Variants in NOX1 observed in about 807,000 individuals in gnomAD.
The protein encoded by NOX1 is NADH/NADPH mitogenic oxidase subunit P65-MOX.
NOX1 carries 34 observed loss-of-function variants against 42.5 expected under a neutral mutation model. The ratio of observed to expected loss-of-function variants is 0.80; its 90% CI spans 0.61 to 1.07. NOX1 has a LOEUF of 1.07. NOX1 is among the 50% of genes least tolerant of loss of function. The pLI is 0.00. For synonymous variants in NOX1, 143 were observed against 152.5 expected (o/e 0.94, Z 0.46); for missense variants, 408 against 427.0 (o/e 0.96, Z 0.39).
chrX:100,850,241 T>C lies in NOX1; in HGVS notation c.1043A>G (p.Glu348Gly). ...HPFTLTSAPE[E>G]DFFSIHIRAA... ...TCGGATATGAATGGAGAAGAAATCTTCCTCTGGAGCAGAGGTCAAAGTAAA... is the reference window on the plus strand; with the variant it reads ...TCGGATATGAATGGAGAAGAAATCTCCCTCTGGAGCAGAGGTCAAAGTAAA... The change falls in exon 9 of 13, where the codon GAA (glutamate) becomes GGA (glycine). Residue 348 changes from glutamate (E) to glycine (G), a missense_variant. Coordinates refer to ENST00000372966, the MANE Select transcript of NOX1 (RefSeq NM_007052.5). The C allele has an allele frequency of 8.3e-7, 1 of 1,210,856 alleles. No individual in the cohort carries two copies. The highest frequency in any genetic ancestry group is 1.1e-6 in the Non-Finnish European group (1 of 894,763).
rs749682702 is a variant in NOX1 at position 100,845,205 on chromosome X, GTCC to G, written c.1569-1130_1569-1128del. ...CAAAGAAACCCCATCCACATTAGCA[GTCC>G]TCATTTCCTCCCAACTACCCTGTCC... On this transcript the variant is annotated intron_variant, in intron 12 of 12. Coordinates refer to ENST00000372966, the MANE Select transcript of NOX1 (RefSeq NM_007052.5). Among the ~76,000 whole-genome samples the G allele has an allele frequency of 1.6e-4, 18 of 110,839 alleles. No individual in the cohort carries two copies. The East Asian group carries it at 4.8e-3, about 30-fold the overall frequency.
intron 3 of NOX1, 56 bp from the exon 4 acceptor site, chrX:100,863,299 C>T: frequency 9.8e-7 from 1 of 1,019,392 alleles, no homozygotes; most frequent in Non-Finnish European, 1.4e-6. Context: ...ATTAAATTCA[C>T]TAACCCATAA....
At chrX:100,845,346 G>C (rs2085065287) in intron 12 of NOX1, among the ~76,000 whole-genome samples, 1 of 110,131 alleles carries the variant, frequency 9.1e-6, no homozygotes, top group East Asian at 2.8e-4. Context: ...TTTTCAGCAT[G>C]ATGTTTTCAA....
intron 8 of NOX1, among the ~76,000 whole-genome samples, chrX:100,850,644 T>G (rs1026633098): frequency 8.9e-6 from 1 of 112,378 alleles, no homozygotes; most frequent in Non-Finnish European, 1.9e-5. Flanking sequence ...TCCATCCAGA[T>G]TTTTAAATGT....
In NOX1 at chrX:100,848,681, C is replaced by A; in HGVS notation, c.1517G>T (p.Gly506Val). Residue 506 changes from glycine to valine, a missense_variant, in exon 12 of 13, where the codon GGG becomes GTG. Physicochemically the swap from Gly to Val is moderately radical, Grantham distance 109 (BLOSUM62 -3). Transcript: ENST00000372966. Reference sequence around the variant, plus strand: ...AAACTCATTGTCCCACATTGGTCTCCCAAAGGAGGTTTTCTGTTTCAGACC... The same window carrying A: ...AAACTCATTGTCCCACATTGGTCTCACAAAGGAGGTTTTCTGTTTCAGACC... ...VTGLKQKTSFGRPMWDNEFST... is the reference protein window; with the variant it reads ...VTGLKQKTSFVRPMWDNEFST... 1 of 1,209,946 alleles carries A rather than the reference C, an allele frequency of 8.3e-7. No homozygotes were observed. The highest frequency in any genetic ancestry group is 1.8e-5 in the South Asian group (1 of 56,954).
intron 2 of NOX1, among the ~76,000 whole-genome samples, chrX:100,869,428 G>C (rs2085259079): frequency 9.4e-6 from 1 of 106,530 alleles, no homozygotes; most frequent in Non-Finnish European, 1.9e-5. Context: ...AAGCAATTGT[G>C]AATGGGAGTT....
At chrX:100,849,204 T>C (rs1444325493) in intron 11 of NOX1, 76 bp downstream of exon 11, 12 of 1,054,848 alleles carry the variant, frequency 1.1e-5, no homozygotes, top group African/African-American at 3.7e-5. Flanking sequence ...AAATAACTTC[T>C]AATCCATATG....
At position 100,852,496 on chromosome X, in the gene NOX1, C is replaced by T. The variant is rs180932401; in HGVS notation, c.805-1171G>A. On this transcript the variant is annotated intron_variant, in intron 7 of 12. Coordinates refer to ENST00000372966, the MANE Select transcript of NOX1 (RefSeq NM_007052.5). ...TAAAATAAATAAATAAATAAAGCAG[C>T]TTTTCTATCCCTGAGATCTTTGCAA... is the stretch of plus-strand genomic sequence containing the variant. Among the ~76,000 whole-genome samples the T allele has an allele frequency of 2.1e-3, 236 of 112,288 alleles. 4 individuals carry two copies. In the East Asian group the frequency reaches 0.047, roughly 22 times the overall value.
intron 10 of NOX1, among the ~76,000 whole-genome samples, 160 bp downstream of exon 10, chrX:100,849,612 T>C (rs2085098651): frequency 8.9e-6 from 1 of 112,327 alleles, no homozygotes; most frequent in Non-Finnish European, 1.9e-5. Context: ...GTTCTTATGA[T>C]AAATCTGTAG....
chrX:100,871,062 C>G (rs1288791078), intron 1 of NOX1, among the ~76,000 whole-genome samples: 1 of 112,300 alleles, frequency 8.9e-6, no homozygotes, highest in Non-Finnish European at 1.9e-5. Flanking sequence ...TGTTTTGCCA[C>G]AGCCTGCAAG....
chrX:100,859,784 G>A (rs1278016659), intron 7 of NOX1, among the ~76,000 whole-genome samples: 8 of 102,957 alleles, frequency 7.8e-5, no homozygotes, highest in African/African-American at 1.1e-4. Flanking sequence ...ATTTCTGTGC[G>A]GTCAGTCATA....
chrX:100,855,818 A>G, intron 7 of NOX1: 7 of 1,123,966 alleles, frequency 6.2e-6, no homozygotes, highest in Non-Finnish European at 8.5e-6. Flanking sequence ...GGCTGGATGA[A>G]GCACTAGCCA....
intron 2 of NOX1, among the ~76,000 whole-genome samples, chrX:100,865,546 T>C (rs767810937): frequency 7.1e-5 from 8 of 112,678 alleles, no homozygotes; most frequent in Non-Finnish European, 1.3e-4. Flanking sequence ...TCTGCTCTAC[T>C]TCATAGCGAA....
intron 2 of NOX1, among the ~76,000 whole-genome samples, chrX:100,863,916 T>C (rs1013111201): frequency 1.4e-4 from 16 of 112,261 alleles, no homozygotes; most frequent in Non-Finnish European, 2.8e-4. Context: ...CTTAATACTC[T>C]TTATTATAAT....
chrX:100,848,712 C>T lies in NOX1; in HGVS notation c.1486G>A (p.Val496Met), dbSNP rs749302908. The T allele has an allele frequency of 8.3e-7, 1 of 1,211,224 alleles. No homozygotes were observed. Among genetic ancestry groups the T allele is most frequent in the Admixed American group, 2.2e-5 (1 of 46,103 alleles). ...ALNFDKATDI[V>M]TGLKQKTSFG... is the part of the protein sequence containing the mutation. Reference sequence around the variant, plus strand: ...GAGGTTTTCTGTTTCAGACCTGTCACGATGTCAGTGGCCTTGTCAAAGTTT... The same window carrying T: ...GAGGTTTTCTGTTTCAGACCTGTCATGATGTCAGTGGCCTTGTCAAAGTTT... The change falls in exon 12 of 13, where the codon GTG becomes ATG. Residue 496 changes from valine (V) to methionine (M), a missense_variant. Transcript: ENST00000372966.
intron 7 of NOX1, among the ~76,000 whole-genome samples, chrX:100,853,304 T>TTCTCTCTCTCTCTTTC (rs1569445625): frequency 2.6e-5 from 2 of 78,369 alleles, no homozygotes; most frequent in African/African-American, 1.1e-4. Flanking sequence ...CTTTCTTTCT[T>TTCTCTCTCTCTCTTTC]TCTTTCTTTC....
Position 100,863,504 on chromosome X carries a change from A to C in NOX1, c.233T>G (p.Phe78Cys), listed in dbSNP as rs1384581199. ...LLPVCRNLLS[F>C]LRGTCSFCSR... Reference sequence around the variant, plus strand: ...ACTCACTGAGCAGGTGCCCCTCAGGAAGGACAGCAGATTGCGACACACAGG... The same window carrying C: ...ACTCACTGAGCAGGTGCCCCTCAGGCAGGACAGCAGATTGCGACACACAGG... The change falls in exon 3 of 13, where the codon TTC becomes TGC. Residue 78 changes from phenylalanine to cysteine, a missense_variant. Transcript: ENST00000372966. 1 of 1,208,619 alleles carries C rather than the reference A, an allele frequency of 8.3e-7. No individual in the cohort carries two copies. The highest frequency in any genetic ancestry group is 1.8e-5 in the African/African-American group (1 of 56,767).
intron 1 of NOX1, among the ~76,000 whole-genome samples, chrX:100,873,080 C>A (rs915814850): frequency 9.1e-6 from 1 of 109,763 alleles, no homozygotes; most frequent in Non-Finnish European, 1.9e-5. Flanking sequence ...AAGCATCACA[C>A]CTTCTCTCTT....
At chrX:100,849,490 G>A (rs1435757041) in intron 10 of NOX1, 64 bp from the exon 11 acceptor site, 6 of 1,076,069 alleles carry the variant, frequency 5.6e-6, no homozygotes, top group Non-Finnish European at 7.6e-6. Flanking sequence ...TTATAGAGCC[G>A]CAAACTTTAG....
Sources: allele counts gnomAD v4.1 joint callset (sites outside exome capture counted in the v4.1 genomes callset), GRCh38; gene constraint gnomAD v4.1.1; transcripts MANE v1.5; gene names NCBI Gene and HGNC (gene_info 2026-07-23, HGNC 2026-07-21).